The following ATP2B2 variants were observed in gnomAD, a reference collection of about 807,000 sequenced individuals.
ATP2B2 encodes ATPase plasma membrane Ca2+ transporting 2, also known as plasma membrane calcium-transporting ATPase 2.
ATP2B2 carries 15 observed loss-of-function variants against 120.0 expected under a neutral mutation model. The ratio of observed to expected loss-of-function variants is 0.12; its 90% CI spans 0.08 to 0.19. The LOEUF (loss-of-function observed/expected upper bound fraction) is 0.19. ATP2B2 is among the 10% of genes least tolerant of loss of function. The pLI is 1.00. For missense variants in ATP2B2, 1,045 were observed against 1,719.8 expected, an observed-to-expected ratio of 0.61 and a Z score of 6.94; for synonymous variants, 694 against 700.3, an observed-to-expected ratio of 0.99 and a Z score of 0.14.
Position 10,696,042 on chromosome 3 carries a change from G to C in ATP2B2, c.-460+11873C>G, listed in dbSNP as rs549988185. On this transcript the variant is annotated intron_variant, in intron 1 of 21. Transcript: ENST00000646379. The stretch of plus-strand genomic sequence containing the variant: ...AGGAACTTGAACAACTTCTGTCAAA[G>C]ATAGTTCTCGTCTTAACATAACAGT... 5.9e-5 allele frequency among the ~76,000 whole-genome samples: 9 copies of C among 152,282 alleles called. No individual in the cohort carries two copies. The South Asian group carries it at 1.2e-3, about 21-fold the overall frequency.
intron 2 of ATP2B2, among the ~76,000 whole-genome samples, chr3:10,426,577 C>T (rs1420312914): frequency 6.6e-6 from 1 of 152,200 alleles, no homozygotes; most frequent in African/African-American, 2.4e-5. Context: ...GCCAGACCCC[C>T]AAGGCCATGA....
intron 5 of ATP2B2, among the ~76,000 whole-genome samples, chr3:10,397,432 C>G (rs1181729337): frequency 6.6e-6 from 1 of 152,206 alleles, no homozygotes; most frequent in Non-Finnish European, 1.5e-5. Flanking sequence ...CAGTGCAAAA[C>G]TCAAACACCA....
chr3:10,545,564 C>G (rs2067527940), intron 2 of ATP2B2, among the ~76,000 whole-genome samples: 1 of 151,118 alleles, frequency 6.6e-6, no homozygotes. Context: ...AAAATAAAAA[C>G]AAAACAAAAT....
At chr3:10,417,956 C>T (rs1030306154) in intron 2 of ATP2B2, among the ~76,000 whole-genome samples, 1 of 152,170 alleles carries the variant, frequency 6.6e-6, no homozygotes, top group Non-Finnish European at 1.5e-5. Flanking sequence ...CCCTTTGTCC[C>T]CAGTGGCCAG....
intron 2 of ATP2B2, among the ~76,000 whole-genome samples, chr3:10,613,280 G>A (rs7632029): frequency 0.37 from 56,951 of 152,062 alleles, 13,637 homozygotes; most frequent in Middle Eastern, 0.57. Flanking sequence ...GTCCTGATTT[G>A]TATCCTTCAC....
At chr3:10,617,504 G>C (rs902167681) in intron 2 of ATP2B2, among the ~76,000 whole-genome samples, 3 of 152,352 alleles carry the variant, frequency 2.0e-5, no homozygotes, top group Admixed American at 2.0e-4. Context: ...TGGCCTCGCT[G>C]TTTGCTCAGC....
chr3:10,600,443 C>G (rs2068877833), intron 2 of ATP2B2, among the ~76,000 whole-genome samples: 1 of 152,356 alleles, frequency 6.6e-6, no homozygotes, highest in Non-Finnish European at 1.5e-5. Flanking sequence ...CCCTACCAGC[C>G]TGGAGCTGAG....
At chr3:10,432,303 CCT>C (rs1411491126) in intron 2 of ATP2B2, among the ~76,000 whole-genome samples, 1 of 152,202 alleles carries the variant, frequency 6.6e-6, no homozygotes, top group Non-Finnish European at 1.5e-5. Flanking sequence ...GGGACCTGCC[CCT>C]GACTCAGGCG....
chr3:10,555,514 G>A (rs1385295856), intron 2 of ATP2B2, among the ~76,000 whole-genome samples: 1 of 152,208 alleles, frequency 6.6e-6, no homozygotes, highest in Non-Finnish European at 1.5e-5. Flanking sequence ...TGGGCTTCTG[G>A]CTTCCTTGTG....
At chr3:10,379,973 C>G (rs2061487176) in intron 8 of ATP2B2, among the ~76,000 whole-genome samples, 1 of 152,172 alleles carries the variant, frequency 6.6e-6, no homozygotes, top group South Asian at 2.1e-4. Context: ...AAAGAGTGAT[C>G]AGGGGTCCCC....
At chr3:10,518,595 T>A (rs2066920699) in intron 3 of ATP2B2, among the ~76,000 whole-genome samples, 1 of 152,230 alleles carries the variant, frequency 6.6e-6, no homozygotes. Flanking sequence ...CCACTCCTGA[T>A]CCGCTTTCTC....
intron 1 of ATP2B2, among the ~76,000 whole-genome samples, chr3:10,642,454 G>A (rs774195638): frequency 6.6e-6 from 1 of 152,064 alleles, no homozygotes; most frequent in Non-Finnish European, 1.5e-5. Context: ...ATAGTCTCTT[G>A]GAAGAAACAG....
intron 1 of ATP2B2, among the ~76,000 whole-genome samples, chr3:10,674,795 G>T (rs919047143): frequency 2.6e-5 from 4 of 152,144 alleles, no homozygotes; most frequent in African/African-American, 4.8e-5. Context: ...CAAAGACATT[G>T]TCCCACACAA....
At chr3:10,533,877 T>A (rs2067257811) in intron 3 of ATP2B2, among the ~76,000 whole-genome samples, 1 of 152,214 alleles carries the variant, frequency 6.6e-6, no homozygotes, top group Admixed American at 6.5e-5. Context: ...ACCAGCCCAA[T>A]GTTGCATAAA....
At chr3:10,446,092 T>C (rs2063827784) in intron 2 of ATP2B2, among the ~76,000 whole-genome samples, 1 of 152,204 alleles carries the variant, frequency 6.6e-6, no homozygotes, top group Admixed American at 6.5e-5. Context: ...ACTGTGGCAG[T>C]GACCTCGAGC....
chr3:10,547,154 C>T (rs902047909), intron 2 of ATP2B2, among the ~76,000 whole-genome samples: 20 of 151,804 alleles, frequency 1.3e-4, no homozygotes, highest in African/African-American at 3.6e-4. Context: ...GGGTCAAGGG[C>T]GGGGGCAAAG....
At chr3:10,348,695 T>G (rs555787641) in intron 16 of ATP2B2, among the ~76,000 whole-genome samples, 171 of 152,340 alleles carry the variant, frequency 1.1e-3, no homozygotes, top group African/African-American at 4.0e-3. Flanking sequence ...AAAGCCTCCC[T>G]AGTCCAAGTT....
chr3:10,587,873 A>G (rs2068551248), intron 2 of ATP2B2, among the ~76,000 whole-genome samples: 2 of 152,150 alleles, frequency 1.3e-5, no homozygotes, highest in African/African-American at 4.8e-5. Context: ...TGCTGTATAT[A>G]CTCAGTTCAC....
intron 2 of ATP2B2, among the ~76,000 whole-genome samples, chr3:10,576,790 C>T (rs533514487): frequency 6.0e-4 from 91 of 152,112 alleles, no homozygotes; most frequent in Non-Finnish European, 1.1e-3. Context: ...TGGGGCCGGG[C>T]GCGGTGGCTC....
Sources: gnomAD v4.1 joint callset for allele counts (sites outside exome capture counted in the v4.1 genomes callset) on GRCh38, gnomAD v4.1.1 for gene constraint, MANE v1.5 for transcripts, NCBI Gene and HGNC (gene_info 2026-07-23, HGNC 2026-07-21) for gene names.